The following CFAP20DC variants were observed in gnomAD, a reference collection of about 807,000 sequenced individuals.
The protein encoded by CFAP20DC is CFAP20 domain containing, also known as protein CFAP20DC.
In CFAP20DC, 84 loss-of-function variants were observed where a neutral mutation model predicts 101.7. The observed-to-expected ratio is 0.83, with a 90% CI of 0.69 to 0.99. The LOEUF is 0.99. Among genes scored for constraint, CFAP20DC ranks in the 50% least tolerant of loss-of-function variants. The pLI is 0.00. For synonymous variants in CFAP20DC, 359 were observed against 351.2 expected (o/e 1.02, Z -0.25); for missense variants, 1,007 against 970.3 (o/e 1.04, Z -0.50).
intron 14 of CFAP20DC, among the ~76,000 whole-genome samples, chr3:58,822,010 T>C (rs1482096797): frequency 7.0e-6 from 1 of 143,366 alleles, no homozygotes; most frequent in African/African-American, 2.7e-5. Context: ...ATGGATGAAA[T>C]TGGAAATCAT....
downstream of CFAP20DC, among the ~76,000 whole-genome samples, chr3:58,738,143 T>G (rs914240845): frequency 9.2e-5 from 14 of 152,192 alleles, no homozygotes; most frequent in African/African-American, 3.1e-4. This position sits in a 1 kb window ranked among gnomAD's most constrained non-coding sequence, Gnocchi z 4.4. Flanking sequence ...AGAAATCCTA[T>G]GATAAAACCA....
intron 15 of CFAP20DC, among the ~76,000 whole-genome samples, chr3:58,775,462 A>G (rs2071238646): frequency 6.6e-6 from 1 of 152,214 alleles, no homozygotes; most frequent in Non-Finnish European, 1.5e-5. Flanking sequence ...GTTAGCAAGT[A>G]TTTATTTGCT....
chr3:58,843,398 G>A (rs2077329002), intron 13 of CFAP20DC, among the ~76,000 whole-genome samples: 1 of 152,090 alleles, frequency 6.6e-6, no homozygotes, highest in Admixed American at 6.6e-5. Context: ...TGATCAACTG[G>A]AAGAAAGGGT....
intron 15 of CFAP20DC, among the ~76,000 whole-genome samples, chr3:58,775,973 T>A (rs1441784667): frequency 6.6e-6 from 1 of 152,140 alleles, no homozygotes; most frequent in Non-Finnish European, 1.5e-5. Flanking sequence ...GACTCCCGAC[T>A]TCAGGTGATC....
chr3:59,032,920 G>C (rs1011264898), intron 4 of CFAP20DC, among the ~76,000 whole-genome samples: 1 of 152,122 alleles, frequency 6.6e-6, no homozygotes, highest in African/African-American at 2.4e-5. Context: ...CCTCCCAGCA[G>C]TGGTCAACAG....
intron 4 of CFAP20DC, among the ~76,000 whole-genome samples, chr3:58,984,577 G>C (rs1348259928): frequency 2.0e-5 from 3 of 152,132 alleles, no homozygotes; most frequent in Admixed American, 2.0e-4. Flanking sequence ...GAAGTAATTT[G>C]ACATTTCAAA....
intron 4 of CFAP20DC, among the ~76,000 whole-genome samples, chr3:58,990,247 G>A (rs2092895067): frequency 1.3e-5 from 2 of 152,162 alleles, no homozygotes; most frequent in South Asian, 4.1e-4. Context: ...ACAATGTCTA[G>A]CCTCTGCTAC....
At chr3:58,865,997 A>C (rs2108491931) in intron 11 of CFAP20DC, among the ~76,000 whole-genome samples, 1 of 152,360 alleles carries the variant, frequency 6.6e-6, no homozygotes, top group Non-Finnish European at 1.5e-5. Context: ...TGCAGCAAAC[A>C]AGATAAATGC....
At chr3:59,037,170 T>C (rs1196546849) in intron 4 of CFAP20DC, among the ~76,000 whole-genome samples, 1 of 152,046 alleles carries the variant, frequency 6.6e-6, no homozygotes, top group African/African-American at 2.4e-5. Flanking sequence ...CCTAAAACCA[T>C]ACAAACCCTA....
intron 15 of CFAP20DC, among the ~76,000 whole-genome samples, chr3:58,777,698 C>T (rs1157771662): frequency 6.6e-6 from 1 of 152,172 alleles, no homozygotes; most frequent in Non-Finnish European, 1.5e-5. Flanking sequence ...TCTGGAGTGG[C>T]TTCCTAATGT....
intron 4 of CFAP20DC, 54 bp downstream of exon 4, chr3:59,039,503 T>C: frequency 3.7e-6 from 4 of 1,091,460 alleles, no homozygotes; most frequent in South Asian, 1.4e-5. Flanking sequence ...ACTGCTTCAA[T>C]TGATCAAATG....
At chr3:59,030,798 G>T (rs2093976626) in intron 4 of CFAP20DC, among the ~76,000 whole-genome samples, 1 of 152,064 alleles carries the variant, frequency 6.6e-6, no homozygotes, top group Non-Finnish European at 1.5e-5. Context: ...AATAATTAAA[G>T]CTTTAAGTTT....
chr3:58,846,817 A>T, intron 13 of CFAP20DC, among the ~76,000 whole-genome samples: 1 of 147,286 alleles, frequency 6.8e-6, no homozygotes, highest in Non-Finnish European at 1.5e-5. Flanking sequence ...CAAAACAGAG[A>T]TATAGATCAA....
intron 4 of CFAP20DC, among the ~76,000 whole-genome samples, chr3:58,955,648 G>A (rs1559893395): frequency 6.6e-6 from 1 of 151,986 alleles, no homozygotes; most frequent in Non-Finnish European, 1.5e-5. Context: ...CACAAAGTCT[G>A]CAACTCCTAG....
In CFAP20DC at chr3:58,864,309, A is replaced by G. The variant is rs2079497302; in HGVS notation, c.1259-417T>C. Among the ~76,000 whole-genome samples, 1 of 152,246 alleles carries G rather than the reference A, an allele frequency of 6.6e-6. No homozygotes were observed. Among genetic ancestry groups the G allele is most frequent in the Non-Finnish European group, 1.5e-5 (1 of 68,046 alleles). ...GGCTAAAATTTCTTGTTGTTGAAAC[A>G]GATTTATCAAATAACGCAAAGCAAA... On this transcript the variant is annotated intron_variant, in intron 11 of 16. Coordinates refer to ENST00000482387, the MANE Select transcript of CFAP20DC (RefSeq NM_001394063.1). The surrounding 1 kb of genome is among the most constrained non-coding windows in gnomAD (Gnocchi z 4.7).
intron 15 of CFAP20DC, among the ~76,000 whole-genome samples, chr3:58,760,483 G>C (rs2069451092): frequency 6.6e-6 from 1 of 152,238 alleles, no homozygotes; most frequent in Admixed American, 6.5e-5. Context: ...TCTGCAAACA[G>C]GGACAATTTG....
At chr3:58,935,667 T>C (rs1052671891) in intron 5 of CFAP20DC, among the ~76,000 whole-genome samples, 2 of 152,090 alleles carry the variant, frequency 1.3e-5, no homozygotes, top group East Asian at 1.9e-4. Flanking sequence ...AAAACAGCAA[T>C]GGGGAAAGGA....
At chr3:58,805,231 A>G in intron 15 of CFAP20DC, among the ~76,000 whole-genome samples, 1 of 152,198 alleles carries the variant, frequency 6.6e-6, no homozygotes, top group East Asian at 1.9e-4. Flanking sequence ...AAGAGCTGTC[A>G]AATGGCCATA....
At chr3:59,018,258 C>T (rs1445816761) in intron 4 of CFAP20DC, 1 of 152,070 alleles carries the variant, frequency 6.6e-6, no homozygotes, top group Non-Finnish European at 1.5e-5. Context: ...CTTTAAAATT[C>T]CACTTTATTT....
Sources: allele counts gnomAD v4.1 joint callset (sites outside exome capture counted in the v4.1 genomes callset), GRCh38; gene constraint gnomAD v4.1.1; non-coding constraint Gnocchi (gnomAD v3.1); transcripts MANE v1.5; gene names NCBI Gene and HGNC (gene_info 2026-07-23, HGNC 2026-07-21).